Variants in KCNIP4 observed in about 807,000 individuals in gnomAD.
The protein encoded by KCNIP4 is Kv channel-interacting protein 4.
In KCNIP4, 12 loss-of-function variants were observed where a neutral mutation model predicts 34.0. That is an observed-to-expected ratio of 0.35 (90% CI 0.23 to 0.57). The LOEUF (loss-of-function observed/expected upper bound fraction) is 0.57, where lower values mean the gene tolerates loss of function less well. Ranked by LOEUF, KCNIP4 falls within the 20% of genes least tolerant of loss-of-function variation. The probability of loss-of-function intolerance (pLI) is 0.83; values close to 1 mark genes in which losing one functional copy is unlikely to be tolerated. For synonymous variants in KCNIP4, 124 were observed against 102.2 expected, an observed-to-expected ratio of 1.21 and a Z score of -1.29; for missense variants, 238 against 311.7, an observed-to-expected ratio of 0.76 and a Z score of 1.78.
intron 1 of KCNIP4, among the ~76,000 whole-genome samples, chr4:21,320,231 G>A (rs1187561085): frequency 6.6e-6 from 1 of 152,226 alleles, no homozygotes; most frequent in South Asian, 2.1e-4. Context: ...GATAAGCAGA[G>A]TTTGGAGGGA....
intron 1 of KCNIP4, among the ~76,000 whole-genome samples, chr4:21,073,049 C>A (rs1489997840): frequency 6.6e-6 from 1 of 152,124 alleles, no homozygotes; most frequent in Admixed American, 6.6e-5. Flanking sequence ...GTTGCTGTAG[C>A]CTTGTAGTAT....
intron 1 of KCNIP4, among the ~76,000 whole-genome samples, chr4:21,668,609 T>C (rs774996413): frequency 6.6e-6 from 1 of 152,164 alleles, no homozygotes; most frequent in Non-Finnish European, 1.5e-5. Context: ...TCTATTATTA[T>C]ATACAAGAAG....
chr4:20,851,141 G>C (rs574854372), intron 2 of KCNIP4, among the ~76,000 whole-genome samples: 86 of 151,986 alleles, frequency 5.7e-4, no homozygotes, highest in Non-Finnish European at 2.2e-4. Context: ...TCATCCCATC[G>C]CCCAGGTATG....
Position 21,195,005 on chromosome 4 carries a change from A to T in KCNIP4, c.62-312296T>A, listed in dbSNP as rs73805066. Reference sequence around the variant, plus strand: ...TCCTGTGAATCCTGACCCATGGGTTAGATCTCAGCTCAAGTGTGGCTTCTC... The same window carrying T: ...TCCTGTGAATCCTGACCCATGGGTTTGATCTCAGCTCAAGTGTGGCTTCTC... On this transcript the variant is annotated intron_variant, in intron 1 of 8. Transcript: ENST00000382152. 4.3e-3 allele frequency among the ~76,000 whole-genome samples: 656 copies of T among 152,328 alleles called. 4 individuals are homozygous for T. The highest frequency in any genetic ancestry group is 0.015 in the African/African-American group (629 of 41,570).
At chr4:21,352,687 T>A (rs1235658862) in intron 1 of KCNIP4, among the ~76,000 whole-genome samples, 2 of 152,226 alleles carry the variant, frequency 1.3e-5, no homozygotes, top group Non-Finnish European at 2.9e-5. Context: ...AGATTCCACC[T>A]CTGTGGACAG....
chr4:21,513,197 G>A (rs1033237428), intron 1 of KCNIP4, among the ~76,000 whole-genome samples: 3 of 152,176 alleles, frequency 2.0e-5, no homozygotes, highest in African/African-American at 7.2e-5. Context: ...AGATGAAGGT[G>A]TAATTAAATA....
At chr4:20,982,661 G>A (rs1736177809) in intron 1 of KCNIP4, among the ~76,000 whole-genome samples, 1 of 152,154 alleles carries the variant, frequency 6.6e-6, no homozygotes, top group Non-Finnish European at 1.5e-5. Context: ...TTACTTTGTA[G>A]AATAAAAGGA....
chr4:21,613,213 A>G (rs1457153503), intron 1 of KCNIP4: 3 of 152,184 alleles, frequency 2.0e-5, no homozygotes, highest in African/African-American at 2.4e-5. Flanking sequence ...CTACTACCAC[A>G]TTCAATAGGG....
At chr4:21,503,635 TATGGAAGAA>T (rs1733545950) in intron 1 of KCNIP4, among the ~76,000 whole-genome samples, 4 of 152,186 alleles carry the variant, frequency 2.6e-5, no homozygotes, top group Non-Finnish European at 5.9e-5. Context: ...GAAATGTCTA[TATGGAAGAA>T]CAGAAAGCCC....
At chr4:20,851,851 C>T (rs10017195) in intron 2 of KCNIP4, among the ~76,000 whole-genome samples, 2 of 151,882 alleles carry the variant, frequency 1.3e-5, no homozygotes, top group Non-Finnish European at 2.9e-5. Flanking sequence ...TACAAGATAG[C>T]CTCTGATAAT....
At chr4:21,080,705 C>A (rs141151531) in intron 1 of KCNIP4, among the ~76,000 whole-genome samples, 5 of 144,712 alleles carry the variant, frequency 3.5e-5, no homozygotes, top group East Asian at 2.0e-4. Flanking sequence ...TAGTGATATG[C>A]ATTTTATATA....
chr4:21,108,073 T>C (rs948974953), intron 1 of KCNIP4, among the ~76,000 whole-genome samples: 2 of 151,428 alleles, frequency 1.3e-5, no homozygotes, highest in East Asian at 1.9e-4. Flanking sequence ...CTGACAATTA[T>C]GTGTCTTGGA....
At chr4:21,899,469 T>G (rs2108965842) in intron 1 of KCNIP4, among the ~76,000 whole-genome samples, 1 of 151,874 alleles carries the variant, frequency 6.6e-6, no homozygotes, top group African/African-American at 2.4e-5. Flanking sequence ...GTAAAGGGCA[T>G]CAAAATAGGA....
At chr4:21,452,001 T>C (rs190651697) in intron 1 of KCNIP4, among the ~76,000 whole-genome samples, 1 of 152,212 alleles carries the variant, frequency 6.6e-6, no homozygotes, top group Admixed American at 6.5e-5. Flanking sequence ...AAGAATTTCA[T>C]ACTTTGATAG....
At chr4:20,800,740 C>G (rs1714122685) in intron 3 of KCNIP4, among the ~76,000 whole-genome samples, 1 of 151,504 alleles carries the variant, frequency 6.6e-6, no homozygotes, top group South Asian at 2.1e-4. Flanking sequence ...TTAGAGGAAA[C>G]AAAAGAAAAA....
At chr4:20,842,059 C>T (rs1320195122) in intron 3 of KCNIP4, among the ~76,000 whole-genome samples, 1 of 152,090 alleles carries the variant, frequency 6.6e-6, no homozygotes, top group Non-Finnish European at 1.5e-5. Context: ...TAGATATTTT[C>T]TTATTTAACT....
At chr4:21,900,517 A>G (rs1170721518) in intron 1 of KCNIP4, among the ~76,000 whole-genome samples, 1 of 152,170 alleles carries the variant, frequency 6.6e-6, no homozygotes, top group Non-Finnish European at 1.5e-5. Flanking sequence ...GTAAGCTGCC[A>G]TAGCTTTTGG....
chr4:21,753,275 T>G (rs1182481014), intron 1 of KCNIP4, among the ~76,000 whole-genome samples: 1 of 152,206 alleles, frequency 6.6e-6, no homozygotes, highest in Non-Finnish European at 1.5e-5. Context: ...CAAATTCACT[T>G]AAGAGACTGC....
chr4:21,240,271 GC>G (rs1392447856), intron 1 of KCNIP4, among the ~76,000 whole-genome samples: 1 of 150,612 alleles, frequency 6.6e-6, no homozygotes, highest in Non-Finnish European at 1.5e-5. Flanking sequence ...TATACCTAAT[GC>G]TAAATGACGA....
Sources: allele counts gnomAD v4.1 joint callset (sites outside exome capture counted in the v4.1 genomes callset), GRCh38; gene constraint gnomAD v4.1.1; transcripts MANE v1.5; gene names NCBI Gene and HGNC (gene_info 2026-07-23, HGNC 2026-07-21).